The following CD300C variants were observed in gnomAD, a reference collection of about 807,000 sequenced individuals.
CD300C encodes the protein CMRF35-like molecule 6.
Under a neutral mutation model 18.4 loss-of-function variants are expected in CD300C, and 11 were observed. That is an observed-to-expected ratio of 0.60 (90% CI 0.38 to 0.99). The LOEUF (loss-of-function observed/expected upper bound fraction) is 0.99. Among genes scored for constraint, CD300C ranks in the 50% least tolerant of loss-of-function variants. CD300C has a pLI of 0.01. For missense variants in CD300C, 277 were observed against 287.4 expected (o/e 0.96, Z 0.26); for synonymous variants, 116 against 116.3 (o/e 1.00, Z 0.02).
In CD300C at chr17:74,545,834, A is replaced by G. The variant is rs549810232; in HGVS notation, c.-52T>C. On this transcript the variant is annotated 5_prime_UTR_variant, in exon 1 of 4. Coordinates refer to ENST00000330793, the MANE Select transcript of CD300C (RefSeq NM_006678.5). ...CTGTGCAAGACCCCAGGAGGGGACA[A>G]AATGTAATCTCCTCCCAGCAGATCT... The G allele has an allele frequency of 3.5e-6, 5 of 1,440,210 alleles. No individual in the cohort carries two copies. In the African/African-American group the frequency reaches 7.0e-5, roughly 20 times the overall value. 89.2% of individuals were successfully genotyped at this position (1,440,210 alleles called of 1,614,324 possible). A position where few individuals can be genotyped will look rare whatever the true frequency, so the allele number is the denominator to read the frequency against.
downstream of CD300C, among the ~76,000 whole-genome samples, chr17:74,538,893 C>G (rs924842096): frequency 1.3e-5 from 2 of 152,202 alleles, no homozygotes; most frequent in African/African-American, 4.8e-5. Flanking sequence ...CCTGGGTCCA[C>G]TGTGATGGCC....
At chr17:74,542,258 T>C (rs1908578349) in intron 3 of CD300C, among the ~76,000 whole-genome samples, 2 of 152,106 alleles carry the variant, frequency 1.3e-5, no homozygotes. Context: ...ACTGGGCTTA[T>C]CAAACAGGAT....
At chr17:74,544,587 G>A in intron 2 of CD300C, 22 bp downstream of exon 2, 1 of 1,596,856 alleles carries the variant, frequency 6.3e-7, no homozygotes. Context: ...CAGGCCTGGT[G>A]CTGAGAAAAG....
At chr17:74,542,612 T>A (rs1191714738) in intron 3 of CD300C, among the ~76,000 whole-genome samples, 1 of 152,286 alleles carries the variant, frequency 6.6e-6, no homozygotes, top group Non-Finnish European at 1.5e-5. Flanking sequence ...TCAGCCTCTG[T>A]GCTGACTTGC....
At chr17:74,540,511 T>A (rs556206452), downstream of CD300C, among the ~76,000 whole-genome samples, 28 of 152,054 alleles carry the variant, frequency 1.8e-4, no homozygotes, top group African/African-American at 6.0e-4. Context: ...CACCAAAAGC[T>A]CCCATAAGCA....
In CD300C at chr17:74,541,545, A is replaced by G. The variant is rs771970924; in HGVS notation, c.*44T>C. ...GGTCAGGAGGTCATTCCAGTCCCCCAGAGGGGCTCTGTTGCAGCACAGGGC... is the reference window on the plus strand; with the variant it reads ...GGTCAGGAGGTCATTCCAGTCCCCCGGAGGGGCTCTGTTGCAGCACAGGGC... On this transcript the variant is annotated 3_prime_UTR_variant, in exon 4 of 4. Coordinates refer to ENST00000330793, the MANE Select transcript of CD300C (RefSeq NM_006678.5). 7.1e-7 allele frequency: 1 copy of G among 1,398,990 alleles called. No homozygotes were observed. Among genetic ancestry groups the G allele is most frequent in the Admixed American group, 1.7e-5 (1 of 59,744 alleles). The allele number at this position is 1,398,990 out of a possible 1,614,324, so 86.7% of individuals were successfully genotyped here.
rs1908547614 is a variant in CD300C at position 74,541,556 on chromosome 17, G to A, written c.*33C>T. On this transcript the variant is annotated 3_prime_UTR_variant, in exon 4 of 4. Coordinates refer to ENST00000330793, the MANE Select transcript of CD300C (RefSeq NM_006678.5). ...CATTCCAGTCCCCCAGAGGGGCTCT[G>A]TTGCAGCACAGGGCCTTGATGGACA... 1.3e-6 allele frequency: 2 copies of A among 1,513,614 alleles called. No individual in the cohort carries two copies. The highest frequency in any genetic ancestry group is 1.7e-5 in the Admixed American group (1 of 59,884). The allele number at this position is 1,513,614 out of a possible 1,614,324, so 93.8% of individuals were successfully genotyped here.
At chr17:74,534,841 A>G in the CD300C span, among the ~76,000 whole-genome samples, 3 of 152,218 alleles carry the variant, frequency 2.0e-5, no homozygotes, top group Non-Finnish European at 4.4e-5. Context: ...TTCATGATAA[A>G]CTAGGAATTA....
rs560110664 is a variant in CD300C, at chr17:74,543,641, G to A, written c.401-654C>T. On this transcript the variant is annotated intron_variant, in intron 2 of 3. Coordinates refer to ENST00000330793, the MANE Select transcript of CD300C (RefSeq NM_006678.5). ...ATCTTAGCTCCTCACTCCTAGATAG[G>A]AAGGCACAAAGGGCGCAGGAGGGAC... 2.0e-5 allele frequency among the ~76,000 whole-genome samples: 3 copies of A among 152,244 alleles called. No individual in the cohort carries two copies. The East Asian group carries it at 5.8e-4, about 29-fold the overall frequency.
At chr17:74,544,169 C>A (rs547818829) in intron 2 of CD300C, among the ~76,000 whole-genome samples, 1 of 152,270 alleles carries the variant, frequency 6.6e-6, no homozygotes, top group African/African-American at 2.4e-5. Context: ...TCCAATTCCC[C>A]GTGGGGAAGA....
intron 2 of CD300C, 98 bp downstream of exon 2, chr17:74,544,511 C>G (rs1908677535): frequency 7.3e-7 from 1 of 1,378,584 alleles, no homozygotes; most frequent in Non-Finnish European, 9.9e-7. Context: ...CTCACCAACC[C>G]CCAGGCTCAC....
downstream of CD300C, among the ~76,000 whole-genome samples, chr17:74,540,349 CTCTG>C (rs1433535435): frequency 1.3e-5 from 2 of 152,164 alleles, no homozygotes; most frequent in South Asian, 2.1e-4. Flanking sequence ...CTCTTTTCAC[CTCTG>C]TCTTTTACAT....
At position 74,542,324 on chromosome 17, in the gene CD300C, C is replaced by T. The variant is rs139366083; in HGVS notation, c.527+537G>A. Among the ~76,000 whole-genome samples, 400 of 152,262 alleles carry T rather than the reference C, an allele frequency of 2.6e-3. 2 individuals are homozygous for T. The highest frequency in any genetic ancestry group is 9.3e-3 in the African/African-American group (385 of 41,552). On this transcript the variant is annotated intron_variant, in intron 3 of 3. Coordinates refer to ENST00000330793, the MANE Select transcript of CD300C (RefSeq NM_006678.5). ...GGGGAGAGGACCAGGGCCACCGGAC[C>T]CCAGAGCATCTGCCCCCTTCCCTGG...
At chr17:74,540,931 C>T (rs1908524069), downstream of CD300C, among the ~76,000 whole-genome samples, 4 of 152,158 alleles carry the variant, frequency 2.6e-5, no homozygotes. Flanking sequence ...ATGTGTCTAC[C>T]TGAAGGAGGG....
chr17:74,544,547 A>G, intron 2 of CD300C, 62 bp downstream of exon 2: 3 of 1,540,210 alleles, frequency 1.9e-6, no homozygotes, highest in Admixed American at 1.9e-5. Context: ...TTCTTTCTTC[A>G]GGGACAGAAT....
chr17:74,543,654 G>A (rs1007156734), intron 2 of CD300C, among the ~76,000 whole-genome samples: 1 of 152,152 alleles, frequency 6.6e-6, no homozygotes, highest in Non-Finnish European at 1.5e-5. Flanking sequence ...GGCACAAAGG[G>A]CGCAGGAGGG....
chr17:74,545,334 A>G (rs369837690), intron 1 of CD300C, among the ~76,000 whole-genome samples: 2 of 139,642 alleles, frequency 1.4e-5, no homozygotes, highest in South Asian at 2.3e-4. Context: ...GACTGTGTGC[A>G]TGTGTGTGTG....
At chr17:74,541,864 G>A in intron 3 of CD300C, 128 bp from the exon 4 acceptor site, 1 of 933,246 alleles carries the variant, frequency 1.1e-6, no homozygotes, top group Non-Finnish European at 1.6e-6. Flanking sequence ...CCCCTGGACA[G>A]TCCATCCCGT....
At chr17:74,545,595 G>T in intron 1 of CD300C, 127 bp downstream of exon 1, 2 of 719,558 alleles carry the variant, frequency 2.8e-6, no homozygotes, top group South Asian at 1.7e-5. Context: ...GCTCCTGGGT[G>T]CTCCTTTGCC....
Sources: gnomAD v4.1 joint callset for allele counts (sites outside exome capture counted in the v4.1 genomes callset) on GRCh38, gnomAD v4.1.1 for gene constraint, MANE v1.5 for transcripts, NCBI Gene and HGNC (gene_info 2026-07-23, HGNC 2026-07-21) for gene names.